Variants in RIMKLB observed in about 807,000 individuals in gnomAD.
RIMKLB encodes the protein beta-citrylglutamate synthase B.
A neutral mutation model predicts 32.0 loss-of-function variants in RIMKLB; 7 were observed. The ratio of observed to expected loss-of-function variants is 0.22; its 90% CI spans 0.12 to 0.41. The LOEUF (loss-of-function observed/expected upper bound fraction) is 0.41, where lower values mean the gene tolerates loss of function less well. Among genes scored for constraint, RIMKLB ranks in the 10% least tolerant of loss-of-function variants. The probability of loss-of-function intolerance (pLI) is 1.00; values close to 1 mark genes in which losing one functional copy is unlikely to be tolerated. For missense variants in RIMKLB, 289 were observed against 498.7 expected, an observed-to-expected ratio of 0.58 and a Z score of 4.00; for synonymous variants, 172 against 185.1, an observed-to-expected ratio of 0.93 and a Z score of 0.57.
intron 2 of RIMKLB, among the ~76,000 whole-genome samples, chr12:8,745,674 G>A (rs192470765): frequency 1.0e-3 from 155 of 149,822 alleles, no homozygotes; most frequent in Non-Finnish European, 1.9e-3. Flanking sequence ...GATTACAGGC[G>A]TGAGCCACTG....
At chr12:8,673,572 T>G in the RIMKLB span, among the ~76,000 whole-genome samples, 2 of 151,710 alleles carry the variant, frequency 1.3e-5, no homozygotes, top group East Asian at 3.9e-4. Context: ...CCATGTAGTA[T>G]CTCCACCAAC....
intron 2 of RIMKLB, among the ~76,000 whole-genome samples, chr12:8,724,441 G>A (rs1945783245): frequency 6.6e-6 from 1 of 151,940 alleles, no homozygotes; most frequent in Non-Finnish European, 1.5e-5. Flanking sequence ...CCTTTTTTCT[G>A]ATTTTTTTTG....
At chr12:8,742,923 A>G (rs1326090564) in intron 2 of RIMKLB, 1 of 169,164 alleles carries the variant, frequency 5.9e-6, no homozygotes, top group Non-Finnish European at 1.3e-5. Context: ...TGCAGCAACA[A>G]GGGAGCTCTC....
chr12:8,721,769 A>ATTTTTTTGTTTT (rs1565576342), intron 2 of RIMKLB, among the ~76,000 whole-genome samples: 13 of 151,686 alleles, frequency 8.6e-5, no homozygotes, highest in African/African-American at 3.1e-4. Flanking sequence ...TTTGAGATGG[A>ATTTTTTTGTTTT]GTCTGACTCT....
At chr12:8,780,609 G>A (rs760622372), downstream of RIMKLB, 1 of 152,300 alleles carries the variant, frequency 6.6e-6, no homozygotes, top group African/African-American at 2.4e-5. Flanking sequence ...AGCAGAGGAA[G>A]GAATTCTTCA....
chr12:8,713,682 C>G, intron 1 of RIMKLB, 129 bp from the exon 2 acceptor site: 1 of 592,396 alleles, frequency 1.7e-6, no homozygotes, highest in Non-Finnish European at 2.9e-6. Context: ...GAAAAGGAAA[C>G]AATATCTCTA....
chr12:8,695,696 T>G (rs958899012), upstream of RIMKLB, among the ~76,000 whole-genome samples: 1 of 146,450 alleles, frequency 6.8e-6, no homozygotes, highest in Admixed American at 6.9e-5. Flanking sequence ...AATAGCAACT[T>G]TTTTTTTTTT....
At chr12:8,684,406 C>T (rs1027237648) in intron 1 of RIMKLB, among the ~76,000 whole-genome samples, 1 of 152,178 alleles carries the variant, frequency 6.6e-6, no homozygotes, top group African/African-American at 2.4e-5. Context: ...TTCCTGAGCT[C>T]CAGTGATCCA....
Position 8,736,383 on chromosome 12 carries a change from C to T in RIMKLB, c.176-13479C>T, listed in dbSNP as rs1020806015. Among the ~76,000 whole-genome samples the T allele has an allele frequency of 2.6e-5, 4 of 151,996 alleles. No individual in the cohort carries two copies. The South Asian group carries it at 6.2e-4, about 24-fold the overall frequency. On this transcript the variant is annotated intron_variant, in intron 2 of 5. Transcript: ENST00000535829. ...TGTTGCAAAAATAATACAAATAGCTCGTATATACTGTTTATTCAGTTTTCA... is the reference window on the plus strand; with the variant it reads ...TGTTGCAAAAATAATACAAATAGCTTGTATATACTGTTTATTCAGTTTTCA...
In RIMKLB at chr12:8,711,779, C is replaced by T. The variant is rs1449243530; in HGVS notation, c.-56-2032C>T. Reference sequence around the variant, plus strand: ...TTTTTCTTTTGTGGAGCTTTGCTTTCTGAGACCTTCCCAAGTGGCCTGGAA... The same window carrying T: ...TTTTTCTTTTGTGGAGCTTTGCTTTTTGAGACCTTCCCAAGTGGCCTGGAA... On this transcript the variant is annotated intron_variant, in intron 1 of 5. Transcript: ENST00000535829. Among the ~76,000 whole-genome samples, 6 of 151,920 alleles carry T rather than the reference C, an allele frequency of 3.9e-5. No individual in the cohort carries two copies. The South Asian group carries it at 1.2e-3, about 31-fold the overall frequency.
At chr12:8,676,990 A>G (rs1942346979), upstream of RIMKLB, among the ~76,000 whole-genome samples, 2 of 152,112 alleles carry the variant, frequency 1.3e-5, 1 homozygote, top group Admixed American at 1.3e-4. Flanking sequence ...TATAGTCCAC[A>G]CCAAGAAATC....
At chr12:8,678,412 C>A (rs1942357289), upstream of RIMKLB, among the ~76,000 whole-genome samples, 1 of 151,816 alleles carries the variant, frequency 6.6e-6, no homozygotes, top group Non-Finnish European at 1.5e-5. Flanking sequence ...CTCACCGCAT[C>A]CTCCGCCTCC....
chr12:8,715,228 CTTT>C (rs61677474), intron 2 of RIMKLB, among the ~76,000 whole-genome samples: 9 of 123,728 alleles, frequency 7.3e-5, no homozygotes, highest in South Asian at 2.5e-4. Flanking sequence ...TGCTCTTGTT[CTTT>C]TTTTTTTTTT....
At chr12:8,697,963 C>G (rs1405694958), upstream of RIMKLB, 3 of 150,514 alleles carry the variant, frequency 2.0e-5, no homozygotes, top group Non-Finnish European at 2.9e-5. Flanking sequence ...GTCGCGCGCG[C>G]TGTGTGTGAG....
chr12:8,762,939 T>C (rs1020857139), intron 5 of RIMKLB, among the ~76,000 whole-genome samples: 1 of 152,214 alleles, frequency 6.6e-6, no homozygotes, highest in African/African-American at 2.4e-5. Context: ...TGTTCTTTTT[T>C]TTATTGTCTG....
At chr12:8,705,476 C>CAAAAAA (rs10607711) in intron 1 of RIMKLB, among the ~76,000 whole-genome samples, 2 of 105,332 alleles carry the variant, frequency 1.9e-5, no homozygotes, top group Non-Finnish European at 3.9e-5. Flanking sequence ...GACTCCATCT[C>CAAAAAA]AAAAAAAAAA....
chr12:8,697,263 T>A (rs948701695), upstream of RIMKLB: 1 of 152,194 alleles, frequency 6.6e-6, no homozygotes, highest in Non-Finnish European at 1.5e-5. Context: ...ATTTATCATG[T>A]GGTTTTAAAT....
intron 2 of RIMKLB, among the ~76,000 whole-genome samples, chr12:8,748,561 T>TGTGTGTGC (rs1250225520): frequency 6.8e-6 from 1 of 147,602 alleles, no homozygotes; most frequent in African/African-American, 2.5e-5. Flanking sequence ...TGTGTGTGCA[T>TGTGTGTGC]ATATATATAT....
At chr12:8,777,215 C>CTTTTTTTTTTTT (rs35828763), downstream of RIMKLB, 54 of 703,858 alleles carry the variant, frequency 7.7e-5, no homozygotes, top group Non-Finnish European at 7.8e-5. Context: ...TGCTTGCTTT[C>CTTTTTTTTTTTT]TTTTTTTTTT....
Sources: gnomAD v4.1 joint callset for allele counts (sites outside exome capture counted in the v4.1 genomes callset) on GRCh38, gnomAD v4.1.1 for gene constraint, MANE v1.5 for transcripts, NCBI Gene and HGNC (gene_info 2026-07-23, HGNC 2026-07-21) for gene names.